The following EIF3I variants were observed in gnomAD, a reference collection of about 807,000 sequenced individuals.
EIF3I encodes the protein eukaryotic translation initiation factor 3 subunit I, also known as TGF-beta receptor-interacting protein 1.
In EIF3I, 20 loss-of-function variants were observed where a neutral mutation model predicts 43.3. The observed-to-expected ratio is 0.46, with a 90% CI of 0.32 to 0.67. The LOEUF (loss-of-function observed/expected upper bound fraction) is 0.67. EIF3I is among the 30% of genes least tolerant of loss of function. The probability of loss-of-function intolerance (pLI) is 0.03; values close to 1 mark genes in which losing one functional copy is unlikely to be tolerated. For synonymous variants in EIF3I, 167 were observed against 151.7 expected, an observed-to-expected ratio of 1.10 and a Z score of -0.74; for missense variants, 279 against 421.4, an observed-to-expected ratio of 0.66 and a Z score of 2.96.
downstream of EIF3I, among the ~76,000 whole-genome samples, chr1:32,235,987 G>A (rs145732876): frequency 3.7e-4 from 56 of 152,270 alleles, no homozygotes; most frequent in Admixed American, 1.5e-3. Flanking sequence ...TGAGGATAAA[G>A]TCTAAGCTTA....
At position 32,222,589 on chromosome 1, in the gene EIF3I, A is replaced by G. The variant is rs747972544; in HGVS notation, c.55A>G (p.Asn19Asp). 8.1e-6 allele frequency: 13 copies of G among 1,614,056 alleles called. No homozygotes were observed. Among genetic ancestry groups the G allele is most frequent in the Non-Finnish European group, 1.0e-5 (12 of 1,180,044 alleles). The change falls in exon 2 of 12, where the codon AAC (asparagine) becomes GAC (aspartate). Residue 19 changes from asparagine (N) to aspartate (D), a missense_variant. Transcript: ENST00000676679. ...GCGGTCCATTACGCAGATTAAGTAT[A>G]ACCGCGAAGGAGACCTCCTCTTTAC...
At chr1:32,225,750 C>T (rs562596182) in intron 4 of EIF3I, among the ~76,000 whole-genome samples, 18 of 143,914 alleles carry the variant, frequency 1.3e-4, no homozygotes, top group African/African-American at 3.4e-4. Context: ...AGGCCGGGCG[C>T]GGTGGCTCAC....
intron 4 of EIF3I, among the ~76,000 whole-genome samples, chr1:32,224,812 T>C (rs1464040600): frequency 5.9e-5 from 9 of 151,590 alleles, no homozygotes; most frequent in Non-Finnish European, 1.3e-4. Flanking sequence ...GCTGGGATTA[T>C]AGGCGCACGC....
chr1:32,231,091 T>TGGTG (rs1639228323), intron 11 of EIF3I, 24 bp from the exon 11 acceptor site: 5 of 1,613,466 alleles, frequency 3.1e-6, no homozygotes, highest in Admixed American at 1.7e-5. Flanking sequence ...AGCACCTGAC[T>TGGTG]GGTGCCTGGC....
chr1:32,226,347 T>C (rs766228235), intron 5 of EIF3I, 27 bp downstream of exon 5: 2 of 1,613,946 alleles, frequency 1.2e-6, no homozygotes, highest in South Asian at 2.2e-5. Flanking sequence ...GGGCTGGGGT[T>C]GAGGTAAAGG....
rs539699394 is a variant in EIF3I, at chr1:32,224,535, A to C, written c.250+60A>C. ...TGAGGACCTACAGTGTACCTGTTTGAGTAAACAGGTCCTAGGAAAATAGAG... is the reference window on the plus strand; with the variant it reads ...TGAGGACCTACAGTGTACCTGTTTGCGTAAACAGGTCCTAGGAAAATAGAG... On this transcript the variant is annotated intron_variant, in intron 4 of 11. Coordinates refer to ENST00000676679, the Ensembl canonical transcript of EIF3I. 3.0e-5 allele frequency: 38 copies of C among 1,260,162 alleles called. No homozygotes were observed. The African/African-American group carries it at 5.3e-4, about 18-fold the overall frequency. The allele number at this position is 1,260,162 out of a possible 1,614,324, so 78.1% of individuals were successfully genotyped here.
downstream of EIF3I, chr1:32,232,233 G>A (rs1416478864): frequency 3.9e-5 from 6 of 152,254 alleles, no homozygotes; most frequent in African/African-American, 1.2e-4. Context: ...TGCCCTCTGG[G>A]AGTCTGGGTG....
chr1:32,230,853 A>G, intron 10 of EIF3I, 74 bp from the exon 10 acceptor site: 1 of 1,060,096 alleles, frequency 9.4e-7, no homozygotes, highest in Admixed American at 2.3e-5. Flanking sequence ...AACAATTTGC[A>G]TTTGGGGAGT....
At chr1:32,230,753 G>T (rs986339198) in intron 10 of EIF3I, among the ~76,000 whole-genome samples, 174 bp from the exon 10 acceptor site, 2 of 152,138 alleles carry the variant, frequency 1.3e-5, no homozygotes, top group South Asian at 2.1e-4. Flanking sequence ...GAACCCAGGA[G>T]GGGGAGGTTC....
At chr1:32,222,473 T>C in intron 1 of EIF3I, 29 bp downstream of exon 1, 1 of 1,610,170 alleles carries the variant, frequency 6.2e-7, no homozygotes, top group South Asian at 1.1e-5. Context: ...GGTATTGCAG[T>C]GGGGGTCCTG....
intron 9 of EIF3I, among the ~76,000 whole-genome samples, chr1:32,230,167 G>A (rs1294904288): frequency 6.6e-5 from 10 of 151,506 alleles, no homozygotes; most frequent in African/African-American, 9.7e-5. Context: ...GATTACAGGC[G>A]TGAACCATGG....
chr1:32,226,230 G>A (rs1639144487), exon 5 of EIF3I: 3 of 1,614,046 alleles, frequency 1.9e-6, no homozygotes, highest in Non-Finnish European at 2.5e-6. Flanking sequence ...TTTTGACTTT[G>A]GGGGCAACAT....
chr1:32,225,385 T>C (rs1025276063), intron 4 of EIF3I, among the ~76,000 whole-genome samples: 1 of 152,206 alleles, frequency 6.6e-6, no homozygotes, highest in Non-Finnish European at 1.5e-5. Flanking sequence ...GACAGATATA[T>C]TGCAGTCTAC....
chr1:32,228,349 G>T, intron 6 of EIF3I, 150 bp from the exon 7 acceptor site: 1 of 643,812 alleles, frequency 1.6e-6, no homozygotes. Context: ...ACAGAGTCAA[G>T]GGATATTTAG....
rs767891443 is a variant in EIF3I at position 32,228,545 on chromosome 1, A to G, written c.575A>G (p.Asn192Ser). ...GTTAAGGAGCACTCCCGGCAGATCA[A>G]CGACATCCAGTTATCCAGGGACATG... The change falls in exon 7 of 12, where the codon AAC becomes AGC. Residue 192 changes from asparagine (N) to serine (S), a missense_variant. Physicochemically the swap from Asn to Ser is conservative, Grantham distance 46. This residue lies in a region of EIF3I where 156 missense variants were observed against 178.8 expected (regional missense o/e 0.87). Coordinates refer to ENST00000676679, the Ensembl canonical transcript of EIF3I. 10 of 1,614,062 alleles carry G rather than the reference A, an allele frequency of 6.2e-6. No homozygotes were observed. The highest frequency in any genetic ancestry group is 6.8e-6 in the Non-Finnish European group (8 of 1,180,032).
In EIF3I at chr1:32,222,453, C is replaced by T. The variant is rs1388311838; in HGVS notation, c.3+9C>T. On this transcript the variant is annotated intron_variant, in intron 1 of 11. Transcript: ENST00000676679. ...GCGTCACAGCCGGGATGGTGAGTTT[C>T]AGAGTTAGGGGTATTGCAGTGGGGG... 5 of 1,602,966 alleles carry T rather than the reference C, an allele frequency of 3.1e-6. No individual in the cohort carries two copies. The highest frequency in any genetic ancestry group is 1.3e-5 in the African/African-American group (1 of 74,744).
At chr1:32,231,008 T>C in exon 11 of EIF3I, 2 of 1,612,942 alleles carry the variant, frequency 1.2e-6, no homozygotes, top group Middle Eastern at 1.7e-4. Flanking sequence ...CCTTCCATCC[T>C]GATGGCAAGA....
intron 6 of EIF3I, among the ~76,000 whole-genome samples, chr1:32,227,440 A>G (rs531290099): frequency 6.6e-6 from 1 of 152,076 alleles, no homozygotes; most frequent in Non-Finnish European, 1.5e-5. Flanking sequence ...AAATGATATC[A>G]CATGTTTGAA....
intron 6 of EIF3I, 152 bp from the exon 7 acceptor site, chr1:32,228,347 A>G (rs983205073): frequency 1.2e-5 from 8 of 641,578 alleles, no homozygotes; most frequent in Non-Finnish European, 2.3e-5. Flanking sequence ...GGACAGAGTC[A>G]AGGGATATTT....
Sources: allele counts gnomAD v4.1 joint callset (sites outside exome capture counted in the v4.1 genomes callset), GRCh38; gene constraint gnomAD v4.1.1; regional missense constraint gnomAD v4.1.1; transcripts MANE v1.5; gene names NCBI Gene and HGNC (gene_info 2026-07-23, HGNC 2026-07-21).